The following SHROOM3 variants were observed in gnomAD, a reference collection of about 807,000 sequenced individuals.
The protein encoded by SHROOM3 is shroom family member 3.
Under a neutral mutation model 138.6 loss-of-function variants are expected in SHROOM3, and 47 were observed. That is an observed-to-expected ratio of 0.34 (90% CI 0.27 to 0.43). SHROOM3 has a LOEUF of 0.43. Ranked by LOEUF, SHROOM3 falls within the 20% of genes least tolerant of loss-of-function variation. The pLI, the probability that SHROOM3 is intolerant of heterozygous loss-of-function variation, is 1.00. For synonymous variants in SHROOM3, 1,062 were observed against 1,063.3 expected (o/e 1.00, Z 0.02); for missense variants, 2,491 against 2,596.5 (o/e 0.96, Z 0.88).
intron 2 of SHROOM3, among the ~76,000 whole-genome samples, chr4:76,573,013 A>G (rs527908469): frequency 1.3e-5 from 2 of 151,876 alleles, no homozygotes; most frequent in African/African-American, 4.8e-5. Context: ...ACCCAAGAGG[A>G]GAGGTTGCAG....
At chr4:76,527,638 A>G (rs1372289830) in intron 1 of SHROOM3, among the ~76,000 whole-genome samples, 26 of 152,246 alleles carry the variant, frequency 1.7e-4, no homozygotes, top group Non-Finnish European at 8.8e-5. Context: ...AGATTGATTA[A>G]TTAAGCACTG....
At chr4:76,747,252 T>C (rs181463294) in intron 5 of SHROOM3, among the ~76,000 whole-genome samples, 79 of 152,348 alleles carry the variant, frequency 5.2e-4, no homozygotes, top group Middle Eastern at 3.4e-3. Flanking sequence ...CACTGTTTTT[T>C]TTTCCCTGTA....
chr4:76,603,144 C>T (rs1181394712), intron 2 of SHROOM3, among the ~76,000 whole-genome samples: 3 of 152,088 alleles, frequency 2.0e-5, no homozygotes, highest in Non-Finnish European at 2.9e-5. Context: ...CTTGGCTGGG[C>T]GTGGTGGCTC....
chr4:76,656,256 G>A (rs965845176), intron 2 of SHROOM3, among the ~76,000 whole-genome samples: 2 of 152,212 alleles, frequency 1.3e-5, no homozygotes, highest in African/African-American at 4.8e-5. Context: ...CATAGTATAA[G>A]CAGAGTCTTG....
intron 5 of SHROOM3, among the ~76,000 whole-genome samples, chr4:76,748,443 C>A (rs572194094): frequency 6.6e-6 from 1 of 151,994 alleles, no homozygotes; most frequent in Non-Finnish European, 1.5e-5. Context: ...CCAGTATATA[C>A]CCTCATTAAA....
intron 2 of SHROOM3, among the ~76,000 whole-genome samples, chr4:76,621,797 C>G (rs568773032): frequency 6.6e-6 from 1 of 150,862 alleles, no homozygotes; most frequent in Non-Finnish European, 1.5e-5. Flanking sequence ...ATAGTTCCAG[C>G]GTTTTCTTTA....
intron 1 of SHROOM3, among the ~76,000 whole-genome samples, chr4:76,457,723 CT>C (rs1436756139): frequency 2.0e-5 from 3 of 152,010 alleles, no homozygotes; most frequent in African/African-American, 4.8e-5. Flanking sequence ...ATCTCCTGAC[CT>C]CAGGATCTGC....
At chr4:76,699,276 A>G (rs756521999) in intron 2 of SHROOM3, among the ~76,000 whole-genome samples, 1 of 152,064 alleles carries the variant, frequency 6.6e-6, no homozygotes, top group Non-Finnish European at 1.5e-5. Context: ...ACCAATTCCA[A>G]CTCGGAGCCT....
chr4:76,500,758 T>A (rs1343289650), intron 1 of SHROOM3, among the ~76,000 whole-genome samples: 1 of 151,812 alleles, frequency 6.6e-6, no homozygotes, highest in African/African-American at 2.4e-5. Flanking sequence ...ATATCTTTGG[T>A]AAAGTATCTA....
chr4:76,445,609 A>G (rs1035811479), intron 1 of SHROOM3, among the ~76,000 whole-genome samples: 2 of 152,184 alleles, frequency 1.3e-5, no homozygotes, highest in African/African-American at 4.8e-5. Context: ...GGAGTACAGT[A>G]AGCGAGAGAG....
chr4:76,450,375 T>C (rs1266526378), intron 1 of SHROOM3, among the ~76,000 whole-genome samples: 1 of 152,186 alleles, frequency 6.6e-6, no homozygotes, highest in African/African-American at 2.4e-5. Flanking sequence ...ACCCAACAGT[T>C]CTACTCTGAA....
At chr4:76,706,968 C>G (rs776253546) in intron 2 of SHROOM3, among the ~76,000 whole-genome samples, 1 of 152,056 alleles carries the variant, frequency 6.6e-6, no homozygotes, top group Non-Finnish European at 1.5e-5. Flanking sequence ...TGGATAAGCC[C>G]GGAGAGGATC....
At chr4:76,649,771 G>A (rs936046541) in intron 2 of SHROOM3, among the ~76,000 whole-genome samples, 1 of 152,218 alleles carries the variant, frequency 6.6e-6, no homozygotes, top group African/African-American at 2.4e-5. Context: ...GTGGACAATT[G>A]TTAGGTGATT....
In SHROOM3 at chr4:76,691,156, C is replaced by T. The variant is rs115615936; in HGVS notation, c.324-19000C>T. ...CTCATATGGTTAATATGTTTATTGG[C>T]TTCTGCATCAGAACTTCCTCACCAT... On this transcript the variant is annotated intron_variant, in intron 2 of 10. Coordinates refer to ENST00000296043, the MANE Select transcript of SHROOM3 (RefSeq NM_020859.4). Among the ~76,000 whole-genome samples the T allele has an allele frequency of 7.9e-3, 1,204 of 152,296 alleles. 13 individuals carry two copies. Among genetic ancestry groups the T allele is most frequent in the African/African-American group, 0.028 (1,147 of 41,544 alleles).
At chr4:76,751,834 A>C (rs760560019) in intron 6 of SHROOM3, among the ~76,000 whole-genome samples, 3 of 152,248 alleles carry the variant, frequency 2.0e-5, no homozygotes, top group Non-Finnish European at 4.4e-5. Context: ...GGATATGGGG[A>C]AATTAGAAAC....
At chr4:76,685,476 A>T (rs1719309885) in intron 2 of SHROOM3, among the ~76,000 whole-genome samples, 1 of 152,216 alleles carries the variant, frequency 6.6e-6, no homozygotes, top group Non-Finnish European at 1.5e-5. Context: ...GCGGCCTGTA[A>T]GCTGAGGGTT....
intron 2 of SHROOM3, chr4:76,637,620 G>T (rs1352509278): frequency 2.0e-5 from 3 of 152,126 alleles, no homozygotes; most frequent in Non-Finnish European, 4.4e-5. Flanking sequence ...GCTCCATCAG[G>T]CAACGAGAGA....
At position 76,569,699 on chromosome 4, in the gene SHROOM3, GT is replaced by G. The variant is rs111300353; in HGVS notation, c.323+13948del. 1.1e-3 allele frequency among the ~76,000 whole-genome samples: 161 copies of G among 147,530 alleles called. 2 individuals are homozygous for G. Among genetic ancestry groups the G allele is most frequent in the African/African-American group, 2.7e-3 (110 of 40,348 alleles). On this transcript the variant is annotated intron_variant, in intron 2 of 10. Coordinates refer to ENST00000296043, the MANE Select transcript of SHROOM3 (RefSeq NM_020859.4). ...GTTTTCCAGTTTTCTTCCTATGACAGTTTTTTTTTTTTCCCCTCAAAGTGTG... is the reference window on the plus strand; with the variant it reads ...GTTTTCCAGTTTTCTTCCTATGACAGTTTTTTTTTTTCCCCTCAAAGTGTG...
chr4:76,529,577 G>A (rs745566615), intron 1 of SHROOM3, among the ~76,000 whole-genome samples: 73 of 152,110 alleles, frequency 4.8e-4, no homozygotes, highest in African/African-American at 1.5e-3. Context: ...CACCTGCCTC[G>A]GCCTCCCAAA....
Sources: gnomAD v4.1 joint callset for allele counts (sites outside exome capture counted in the v4.1 genomes callset) on GRCh38, gnomAD v4.1.1 for gene constraint, MANE v1.5 for transcripts, NCBI Gene and HGNC (gene_info 2026-07-23, HGNC 2026-07-21) for gene names.